Variants in AHNAK2 observed in about 807,000 individuals in gnomAD.
AHNAK2 encodes the protein protein AHNAK2.
AHNAK2 carries 18 observed loss-of-function variants against 30.7 expected under a neutral mutation model. The observed-to-expected ratio is 0.59, with a 90% CI of 0.41 to 0.87. The LOEUF is 0.87. Among genes scored for constraint, AHNAK2 ranks in the 40% least tolerant of loss-of-function variants. The probability of loss-of-function intolerance (pLI) is 0.00; values close to 1 mark genes in which losing one functional copy is unlikely to be tolerated. For missense variants in AHNAK2, 8,604 were observed against 7,373.0 expected (o/e 1.17, Z -6.11); for synonymous variants, 3,590 against 3,073.8 (o/e 1.17, Z -5.56).
chr14:104,939,704 C>T lies in AHNAK2; in HGVS notation c.15747G>A (p.Gln5249=). Residue 5249 remains glutamine (Q), a synonymous_variant, in exon 7 of 7, where the codon CAG becomes CAA. Transcript: ENST00000333244. ...TCACTTCTGCATCTGCCTCTGGGAG[C>T]TGTAGGGACATAGCTGCCTCCACGT... ...GSNVEAAMSL[Q]LPEADAEVTA... The T allele has an allele frequency of 6.2e-7, 1 of 1,613,912 alleles. No homozygotes were observed. The highest frequency in any genetic ancestry group is 8.5e-7 in the Non-Finnish European group (1 of 1,179,898).
chr14:104,949,307 C>G lies in AHNAK2; in HGVS notation c.6144G>C (p.Gln2048His), dbSNP rs769699663. 1.8e-5 allele frequency: 19 copies of G among 1,080,050 alleles called. 1 individual carries two copies. In the East Asian group the frequency reaches 3.6e-4, roughly 21 times the overall value. The allele number at this position is 1,080,050 out of a possible 1,614,324, so 66.9% of individuals were successfully genotyped here. The change falls in exon 7 of 7, where the codon CAG becomes CAC. Residue 2048 changes from glutamine (Q) to histidine (H), a missense_variant. Gln to His is a conservative substitution (Grantham distance 24). Transcript: ENST00000333244. ...GGAGCTTCACATCCACCTGGCCAGTCTGGACCTTCAGGTCGGCAGAAGGGG... is the reference window on the plus strand; with the variant it reads ...GGAGCTTCACATCCACCTGGCCAGTGTGGACCTTCAGGTCGGCAGAAGGGG... ...IQPPSADLKV[Q>H]TGQVDVKLPE...
rs1211613944 is a variant in AHNAK2, at chr14:104,953,311, T to G, written c.2140A>C (p.Met714Leu). The change falls in exon 7 of 7, where the codon ATG (methionine) becomes CTG (leucine). Residue 714 changes from methionine (M) to leucine (L), a missense_variant. Physicochemically the swap from Met to Leu is conservative, Grantham distance 15. Coordinates refer to ENST00000333244, the MANE Select transcript of AHNAK2 (RefSeq NM_138420.4). ...KVEADVSLLS[M>L]QGDLKTTDLS... The stretch of plus-strand genomic sequence containing the variant: ...TCAGTGGTCTTGAGGTCCCCCTGCA[T>G]GGAGAGGAGGCTCACGTCGGCCTCC... 1 of 1,612,752 alleles carries G rather than the reference T, an allele frequency of 6.2e-7. No homozygotes were observed.
rs752814969 is a variant in AHNAK2, at chr14:104,952,706, G to T, written c.2745C>A (p.His915Gln). Reference protein sequence around the residue: ...PVPEGAGPKVHLPKVEMPSFK... With the variant: ...PVPEGAGPKVQLPKVEMPSFK... ...AACTGGGCATCTCCACTTTGGGCAGGTGCACTTTGGGGCCGGCTCCCTCGG... is the reference window on the plus strand; with the variant it reads ...AACTGGGCATCTCCACTTTGGGCAGTTGCACTTTGGGGCCGGCTCCCTCGG... The change falls in exon 7 of 7, where the codon CAC (histidine) becomes CAA (glutamine). Residue 915 changes from histidine (H) to glutamine (Q), a missense_variant. Physicochemically the swap from His to Gln is conservative, Grantham distance 24. Coordinates refer to ENST00000333244, the MANE Select transcript of AHNAK2 (RefSeq NM_138420.4). 15 of 1,612,806 alleles carry T rather than the reference G, an allele frequency of 9.3e-6. No individual in the cohort carries two copies. The highest frequency in any genetic ancestry group is 1.3e-5 in the Non-Finnish European group (15 of 1,179,656).
At chr14:104,970,548 C>T in intron 1 of AHNAK2, 1 of 983,104 alleles carries the variant, frequency 1.0e-6, no homozygotes, top group Non-Finnish European at 1.2e-6. Context: ...CCCTCCACAG[C>T]TCCTCCCCCC....
Position 104,972,905 on chromosome 14 carries a change from G to C in AHNAK2, c.55+5278C>G, listed in dbSNP as rs2819452. On this transcript the variant is annotated intron_variant, in intron 1 of 6. Coordinates refer to ENST00000333244, the MANE Select transcript of AHNAK2 (RefSeq NM_138420.4). ...ACACAGCAAGGGATGGGGTCAGGCT[G>C]GAGGCCCTGGGCTCTGGCTCAGGGG... Among the ~76,000 whole-genome samples, 444 of 152,358 alleles carry C rather than the reference G, an allele frequency of 2.9e-3. 3 individuals are homozygous for C. The highest frequency in any genetic ancestry group is 0.01 in the African/African-American group (420 of 41,582).
Position 104,954,547 on chromosome 14 carries a change from C to A in AHNAK2, c.904G>T (p.Ala302Ser). ...TCTTGGCGCTCCACCGTGAGCTGGG[C>A]CTCTGTGTCTGTGCTTGTAGGGGAC... ...DVSPTSTDTE[A>S]QLTVERQEQK... Residue 302 changes from alanine (A) to serine (S), a missense_variant, in exon 7 of 7, where the codon GCC becomes TCC. Physicochemically the swap from Ala to Ser is moderately conservative, Grantham distance 99. Coordinates refer to ENST00000333244, the MANE Select transcript of AHNAK2 (RefSeq NM_138420.4). The surrounding 1 kb of genome is among the most constrained non-coding windows in gnomAD (Gnocchi z 4.3). 1 of 1,609,412 alleles carries A rather than the reference C, an allele frequency of 6.2e-7. No individual in the cohort carries two copies.
rs746465261 is a variant in AHNAK2, at chr14:104,953,608, C to T, written c.1843G>A (p.Gly615Arg). 6.2e-7 allele frequency: 1 copy of T among 1,613,948 alleles called. No homozygotes were observed. Among genetic ancestry groups the T allele is most frequent in the South Asian group, 1.1e-5 (1 of 91,078 alleles). Residue 615 changes from glycine (G) to arginine (R), a missense_variant, in exon 7 of 7, where the codon GGA becomes AGA. Coordinates refer to ENST00000333244, the MANE Select transcript of AHNAK2 (RefSeq NM_138420.4). ...ATEDTEQGRE[G>R]EATATADRRE... The stretch of plus-strand genomic sequence containing the variant: ...CTATCAGCTGTTGCTGTGGCCTCTC[C>T]TTCCCTTCCCTGCTCTGTGTCTTCT...
At chr14:104,968,854 GC>G (rs943743675) in intron 1 of AHNAK2, among the ~76,000 whole-genome samples, 12 of 152,196 alleles carry the variant, frequency 7.9e-5, no homozygotes, top group African/African-American at 1.2e-4. Flanking sequence ...TCTGGCCTGG[GC>G]TCCTCCCTCT....
chr14:104,972,501 C>A (rs112114375), intron 1 of AHNAK2, among the ~76,000 whole-genome samples: 2 of 152,210 alleles, frequency 1.3e-5, no homozygotes, highest in Non-Finnish European at 2.9e-5. Context: ...CACTGACCCC[C>A]GCAAGAGCCT....
Position 104,950,442 on chromosome 14 carries a change from A to G in AHNAK2, c.5009T>C (p.Val1670Ala), listed in dbSNP as rs201134578. ...MPKFKMPSFG[V>A]SAPGKSIEAS... ...CTCGATGGACTTGCCTGGGGCCGAC[A>G]CCCCAAATGATGGCATCTTGAACTT... The change falls in exon 7 of 7, where the codon GTG becomes GCG. Residue 1670 changes from valine to alanine, a missense_variant. By Grantham distance (64) the Val-to-Ala change is moderately conservative. Coordinates refer to ENST00000333244, the MANE Select transcript of AHNAK2 (RefSeq NM_138420.4). The G allele has an allele frequency of 4.8e-4, 767 of 1,583,888 alleles. 69 individuals carry two copies. Among genetic ancestry groups the G allele is most frequent in the African/African-American group, 1.5e-3 (111 of 71,904 alleles).
At chr14:104,965,082 T>G (rs553500318) in intron 1 of AHNAK2, among the ~76,000 whole-genome samples, 1 of 152,222 alleles carries the variant, frequency 6.6e-6, no homozygotes, top group Non-Finnish European at 1.5e-5. Flanking sequence ...TTTTAGCTCA[T>G]CAGCTATCAT....
At chr14:104,961,431 G>A (rs944285171) in intron 1 of AHNAK2, among the ~76,000 whole-genome samples, 15 of 147,778 alleles carry the variant, frequency 1.0e-4, no homozygotes, top group African/African-American at 2.5e-4. Context: ...GGAGAATGGC[G>A]TGAACCCCGG....
In AHNAK2 at chr14:104,945,362, C is replaced by A. The variant is rs781405722; in HGVS notation, c.10089G>T (p.Val3363=). Residue 3363 remains valine (V), a synonymous_variant, in exon 7 of 7, where the codon GTG becomes GTT. Coordinates refer to ENST00000333244, the MANE Select transcript of AHNAK2 (RefSeq NM_138420.4). ...TTDLSIQLPS[V]DLEVQAGQVD... is the part of the protein sequence containing the mutation. The stretch of plus-strand genomic sequence containing the variant: ...CCTGGCCAGCCTGGACCTCCAGGTC[C>A]ACAGAAGGGAGCTGAATGCTGAGGT... 1.9e-6 allele frequency: 3 copies of A among 1,609,828 alleles called. No homozygotes were observed. Among genetic ancestry groups the A allele is most frequent in the Non-Finnish European group, 8.5e-7 (1 of 1,178,420 alleles).
rs369701416 is a variant in AHNAK2 at position 104,943,175 on chromosome 14, C to A, written c.12276G>T (p.Val4092=). The change falls in exon 7 of 7, where the codon GTG becomes GTT. Residue 4092 remains valine (V), a synonymous_variant. Transcript: ENST00000333244. Reference sequence around the variant, plus strand: ...CCTCCATGCTGGACAGAGACATCTTCACATCAGGGGCTGTCACTTCCGCCT... The same window carrying A: ...CCTCCATGCTGGACAGAGACATCTTAACATCAGGGGCTGTCACTTCCGCCT... ...GPKAEVTAPD[V]KMSLSSMEVD... The A allele has an allele frequency of 8.1e-6, 13 of 1,613,246 alleles. No individual in the cohort carries two copies. Among genetic ancestry groups the A allele is most frequent in the Non-Finnish European group, 1.1e-5 (13 of 1,179,652 alleles).
Position 104,944,651 on chromosome 14 carries a change from A to G in AHNAK2, c.10800T>C (p.Ser3600=), listed in dbSNP as rs1898160816. 1 of 1,613,090 alleles carries G rather than the reference A, an allele frequency of 6.2e-7. No individual in the cohort carries two copies. The highest frequency in any genetic ancestry group is 8.5e-7 in the Non-Finnish European group (1 of 1,179,638). Reference sequence around the variant, plus strand: ...GGACATCCACCTCCACGCTGGGCAGAGACACCTCGACATCGGGGACTCTCA... The same window carrying G: ...GGACATCCACCTCCACGCTGGGCAGGGACACCTCGACATCGGGGACTCTCA... The part of the protein sequence containing the change: ...AEVRVPDVEV[S]LPSVEVDVQA... The change falls in exon 7 of 7, where the codon TCT becomes TCC. Residue 3600 remains serine (S), a synonymous_variant. Coordinates refer to ENST00000333244, the MANE Select transcript of AHNAK2 (RefSeq NM_138420.4).
In AHNAK2 at chr14:104,941,485, C is replaced by T. The variant is rs1278171541; in HGVS notation, c.13966G>A (p.Val4656Ile). ...SMSSSEIEGN[V>I]TFHEKTSTFP... Reference sequence around the variant, plus strand: ...GTGGAAGTCTTCTCATGGAATGTAACATTTCCTTCGATTTCAGAGGAAGAC... The same window carrying T: ...GTGGAAGTCTTCTCATGGAATGTAATATTTCCTTCGATTTCAGAGGAAGAC... Residue 4656 changes from valine (V) to isoleucine (I), a missense_variant, in exon 7 of 7, where the codon GTT (valine) becomes ATT (isoleucine). Physicochemically the swap from Val to Ile is conservative, Grantham distance 29. Coordinates refer to ENST00000333244, the MANE Select transcript of AHNAK2 (RefSeq NM_138420.4). The T allele has an allele frequency of 1.9e-6, 3 of 1,612,842 alleles. No homozygotes were observed. Among genetic ancestry groups the T allele is most frequent in the Non-Finnish European group, 2.5e-6 (3 of 1,179,760 alleles).
In AHNAK2 at chr14:104,946,793, A is replaced by T. The variant is rs527669472; in HGVS notation, c.8658T>A (p.Val2886=). ...QVDVKLPEGH[V]PEGAGLKGHL... is the part of the protein sequence containing the mutation. ...GCCCTTTGAGGCCGGCTCCCTCGGG[A>T]ACGTGGCCCTCTGGGAGTTTCACGT... is the stretch of plus-strand genomic sequence containing the variant. Residue 2886 remains valine (V), a synonymous_variant, in exon 7 of 7, where the codon GTT becomes GTA. Transcript: ENST00000333244. The T allele has an allele frequency of 6.2e-7, 1 of 1,611,944 alleles. No individual in the cohort carries two copies. The highest frequency in any genetic ancestry group is 1.3e-5 in the African/African-American group (1 of 74,326).
In AHNAK2 at chr14:104,966,207, A is replaced by G. The variant is rs1899297108; in HGVS notation, c.56-8535T>C. 6.6e-6 allele frequency among the ~76,000 whole-genome samples: 1 copy of G among 151,060 alleles called. No homozygotes were observed. The highest frequency in any genetic ancestry group is 2.4e-5 in the African/African-American group (1 of 41,000). The stretch of plus-strand genomic sequence containing the variant: ...TCAGTGCCAGGAGGCATCAACACTC[A>G]CCCCCACGTCATCCCGGCCCCGCCA... On this transcript the variant is annotated intron_variant, in intron 1 of 6. Transcript: ENST00000333244. This position sits in a 1 kb window ranked among gnomAD's most constrained non-coding sequence, Gnocchi z 4.3.
rs745777682 is a variant in AHNAK2, at chr14:104,938,433, G to A, written c.17018C>T (p.Ala5673Val). Residue 5673 changes from alanine (A) to valine (V), a missense_variant, in exon 7 of 7, where the codon GCT becomes GTT. Transcript: ENST00000333244. ...TGCCTCAGGCTGTGTTTGAATGGGA[G>A]CAGATCTCTGGACGTCATTTTTGGA... ...VDSKNDVQRS[A>V]PIQTQPEARP... The A allele has an allele frequency of 4.3e-6, 7 of 1,613,854 alleles. No individual in the cohort carries two copies. In the African/African-American group the frequency reaches 9.3e-5, roughly 22 times the overall value.
Sources: allele counts gnomAD v4.1 joint callset (sites outside exome capture counted in the v4.1 genomes callset), GRCh38; gene constraint gnomAD v4.1.1; non-coding constraint Gnocchi (gnomAD v3.1); transcripts MANE v1.5; gene names NCBI Gene and HGNC (gene_info 2026-07-23, HGNC 2026-07-21).